RGS6: variants seen among roughly 807,000 people sequenced by gnomAD.
RGS6 encodes the protein regulator of G protein signaling 6, also known as regulator of G-protein signaling 6.
RGS6 carries 30 observed loss-of-function variants against 78.5 expected under a neutral mutation model. That is an observed-to-expected ratio of 0.38 (90% CI 0.29 to 0.52). The LOEUF is 0.52. Among genes scored for constraint, RGS6 ranks in the 20% least tolerant of loss-of-function variants. The pLI, the probability that RGS6 is intolerant of heterozygous loss-of-function variation, is 0.85. For synonymous variants in RGS6, 206 were observed against 206.0 expected (o/e 1.00, Z 0.00); for missense variants, 495 against 609.7 (o/e 0.81, Z 1.98).
chr14:72,453,615 CAAAAAAAAAAAA>C (rs60280790), intron 3 of RGS6, among the ~76,000 whole-genome samples: 73 of 52,068 alleles, frequency 1.4e-3, no homozygotes, highest in East Asian at 2.8e-3. Flanking sequence ...GACTCCGTCT[CAAAAAAAAAAAA>C]AAAAAAAAAA....
At chr14:71,981,115 G>C (rs1192056537) in intron 2 of RGS6, among the ~76,000 whole-genome samples, 1 of 148,650 alleles carries the variant, frequency 6.7e-6, no homozygotes, top group East Asian at 2.0e-4. Context: ...AGCTCCATCA[G>C]CTCCTTTAAG....
At chr14:72,356,314 G>GCT (rs909883636) in intron 3 of RGS6, among the ~76,000 whole-genome samples, 3 of 151,782 alleles carry the variant, frequency 2.0e-5, no homozygotes, top group Admixed American at 1.3e-4. Context: ...ACTTCCCCCT[G>GCT]CTCTCTCTCT....
chr14:71,948,494 G>T (rs1332163069), intron 1 of RGS6, among the ~76,000 whole-genome samples: 1 of 152,096 alleles, frequency 6.6e-6, no homozygotes, highest in Non-Finnish European at 1.5e-5. Context: ...CTCCAGATCT[G>T]CATTTATTTG....
At chr14:72,306,611 T>C (rs2067299824) in intron 2 of RGS6, among the ~76,000 whole-genome samples, 1 of 152,154 alleles carries the variant, frequency 6.6e-6, no homozygotes, top group African/African-American at 2.4e-5. Context: ...CCTTCATGGA[T>C]GACTTTGGAG....
the RGS6 span, among the ~76,000 whole-genome samples, chr14:72,610,914 T>C: frequency 1.3e-5 from 2 of 152,210 alleles, no homozygotes; most frequent in Non-Finnish European, 2.9e-5. Context: ...AGAGAAGTCT[T>C]GGCTCAAAAG....
intron 2 of RGS6, among the ~76,000 whole-genome samples, chr14:72,044,600 G>T (rs1263123629): frequency 1.3e-5 from 2 of 152,136 alleles, no homozygotes; most frequent in Non-Finnish European, 2.9e-5. Context: ...GCTGGGTGCG[G>T]TGGCTCATGC....
At chr14:71,959,838 C>T (rs778903587) in intron 1 of RGS6, among the ~76,000 whole-genome samples, 3 of 152,170 alleles carry the variant, frequency 2.0e-5, no homozygotes, top group Non-Finnish European at 2.9e-5. Flanking sequence ...TAGTGTCTTC[C>T]CTCTTCAAAA....
chr14:72,039,687 A>G (rs2092168246), intron 2 of RGS6, among the ~76,000 whole-genome samples: 1 of 152,066 alleles, frequency 6.6e-6, no homozygotes, highest in African/African-American at 2.4e-5. Flanking sequence ...ATTTACATTG[A>G]AGCAATTACT....
chr14:72,024,220 T>C (rs539032885), intron 2 of RGS6, among the ~76,000 whole-genome samples: 42 of 152,286 alleles, frequency 2.8e-4, no homozygotes, highest in African/African-American at 9.4e-4. Context: ...ATAAAATCAC[T>C]CCAGTGAACA....
At chr14:72,246,602 A>G (rs847250) in intron 2 of RGS6, among the ~76,000 whole-genome samples, 33,461 of 152,192 alleles carry the variant, frequency 0.22, 4,257 homozygotes, top group South Asian at 0.27. Flanking sequence ...GGCTTTTATT[A>G]CTATTATTTT....
intron 2 of RGS6, among the ~76,000 whole-genome samples, chr14:71,992,111 A>G (rs931479551): frequency 2.6e-5 from 4 of 151,450 alleles, no homozygotes; most frequent in Middle Eastern, 3.2e-3. Context: ...GCTCACTGCA[A>G]CCTCCACCTC....
chr14:72,331,022 G>A (rs1171479222), intron 2 of RGS6, among the ~76,000 whole-genome samples: 1 of 152,210 alleles, frequency 6.6e-6, no homozygotes, highest in Non-Finnish European at 1.5e-5. Flanking sequence ...AGGCCAGAGA[G>A]GGCTTTCGGC....
At chr14:72,270,368 A>G (rs376417966) in intron 2 of RGS6, among the ~76,000 whole-genome samples, 12 of 152,204 alleles carry the variant, frequency 7.9e-5, no homozygotes, top group African/African-American at 2.7e-4. Context: ...AGAGGAAATA[A>G]AACAGCATAA....
rs561627918 is a variant in RGS6 at position 72,377,695 on chromosome 14, C to T, written c.184+25501C>T. 2.6e-5 allele frequency among the ~76,000 whole-genome samples: 4 copies of T among 152,226 alleles called. No homozygotes were observed. The East Asian group carries it at 7.7e-4, about 29-fold the overall frequency. On this transcript the variant is annotated intron_variant, in intron 3 of 17. Coordinates refer to ENST00000553525, the MANE Select transcript of RGS6 (RefSeq NM_001204424.2). Reference sequence around the variant, plus strand: ...AAGCTTTTCAAAATCAAAATTATGGCCAGGCATGGTGTAATCCCAGCACTA... The same window carrying T: ...AAGCTTTTCAAAATCAAAATTATGGTCAGGCATGGTGTAATCCCAGCACTA...
At chr14:71,887,988 G>A in the RGS6 span, among the ~76,000 whole-genome samples, 1 of 152,154 alleles carries the variant, frequency 6.6e-6, no homozygotes, top group Non-Finnish European at 1.5e-5. Flanking sequence ...ACTCAAGCGG[G>A]CATCACGGTC....
chr14:72,449,312 A>G (rs949392401), intron 3 of RGS6, among the ~76,000 whole-genome samples: 5 of 152,202 alleles, frequency 3.3e-5, no homozygotes, highest in Non-Finnish European at 7.3e-5. Flanking sequence ...TGTATAATCC[A>G]CCAGGTTTCA....
At chr14:72,528,643 G>A (rs776008136) in intron 15 of RGS6, among the ~76,000 whole-genome samples, 12 of 152,140 alleles carry the variant, frequency 7.9e-5, no homozygotes, top group African/African-American at 2.4e-4. Context: ...GGGCAAGAAA[G>A]GGAAAGACGG....
chr14:72,537,842 A>AGGCCATT, intron 16 of RGS6: 1 of 321,152 alleles, frequency 3.1e-6, no homozygotes, highest in Non-Finnish European at 5.6e-6. Context: ...GAGAAGCTAG[A>AGGCCATT]GGCCATTGAT....
rs71109735 is a variant in RGS6, at chr14:72,437,167, C to CAA, written c.185-17338_185-17337dup. Among the ~76,000 whole-genome samples the CAA allele has an allele frequency of 3.5e-3, 259 of 75,002 alleles. 1 individual carries two copies. The highest frequency in any genetic ancestry group is 8.9e-3 in the Middle Eastern group (1 of 112). The allele number at this position is 75,002 out of a possible 152,430, so 49.2% of individuals were successfully genotyped here. ...TGAAACCCCGTCTTTACTAAAAATACAAAAAAAAAAAAAAAAAAAAAAAAT... is the reference window on the plus strand; with the variant it reads ...TGAAACCCCGTCTTTACTAAAAATACAAAAAAAAAAAAAAAAAAAAAAAAAAT... On this transcript the variant is annotated intron_variant, in intron 3 of 17. Coordinates refer to ENST00000553525, the MANE Select transcript of RGS6 (RefSeq NM_001204424.2).
Sources: gnomAD v4.1 joint callset for allele counts (sites outside exome capture counted in the v4.1 genomes callset) on GRCh38, gnomAD v4.1.1 for gene constraint, MANE v1.5 for transcripts, NCBI Gene and HGNC (gene_info 2026-07-23, HGNC 2026-07-21) for gene names.